Variants in ZC3H14 observed in about 807,000 individuals in gnomAD.
The protein encoded by ZC3H14 is zinc finger CCCH-type containing 14.
ZC3H14 carries 31 observed loss-of-function variants against 92.4 expected under a neutral mutation model. That is an observed-to-expected ratio of 0.34 (90% CI 0.25 to 0.45). The LOEUF (loss-of-function observed/expected upper bound fraction) is 0.45. ZC3H14 is among the 20% of genes least tolerant of loss of function. ZC3H14 has a pLI of 1.00. For missense variants in ZC3H14, 781 were observed against 897.3 expected, an observed-to-expected ratio of 0.87 and a Z score of 1.66; for synonymous variants, 321 against 300.9, an observed-to-expected ratio of 1.07 and a Z score of -0.69.
chr14:88,618,642 T>C lies in ZC3H14; in HGVS notation c.*6891T>C, dbSNP rs2088207323. 1 of 1,611,566 alleles carries C rather than the reference T, an allele frequency of 6.2e-7. No individual in the cohort carries two copies. The highest frequency in any genetic ancestry group is 8.5e-7 in the Non-Finnish European group (1 of 1,179,036). Reference sequence around the variant, plus strand: ...TTGCCACCTGGGTATACAGTATTGGTACTGTACCTGGAGATAACTGCTATC... The same window carrying C: ...TTGCCACCTGGGTATACAGTATTGGCACTGTACCTGGAGATAACTGCTATC... On this transcript the variant is annotated 3_prime_UTR_variant, in exon 17 of 17. Transcript: ENST00000251038.
At chr14:88,604,595 CTTTG>C (rs1566972289) in intron 12 of ZC3H14, among the ~76,000 whole-genome samples, 1 of 122,084 alleles carries the variant, frequency 8.2e-6, no homozygotes, top group African/African-American at 2.7e-5. Context: ...AGCTTGCTTT[CTTTG>C]TTTTTTTTTT....
At chr14:88,591,744 A>G (rs1237704171) in intron 9 of ZC3H14, 2 of 152,204 alleles carry the variant, frequency 1.3e-5, no homozygotes, top group Non-Finnish European at 2.9e-5. Flanking sequence ...CTTTGTATAT[A>G]AAGTGGAATT....
At chr14:88,605,827 C>CTA (rs752473936) in intron 12 of ZC3H14, among the ~76,000 whole-genome samples, 8 of 152,324 alleles carry the variant, frequency 5.3e-5, no homozygotes, top group Non-Finnish European at 1.0e-4. Flanking sequence ...GCTGCTGCTG[C>CTA]TATTACGACT....
Position 88,626,932 on chromosome 14 carries a change from G to A in ZC3H14, c.*15181G>A, listed in dbSNP as rs1310691558. 1.2e-6 allele frequency: 2 copies of A among 1,613,812 alleles called. No individual in the cohort carries two copies. Among genetic ancestry groups the A allele is most frequent in the African/African-American group, 1.3e-5 (1 of 74,906 alleles). ...GCTAAGAAGAGCTCTTCCTGCCAGGGTCCAGAACTTCACATGTTTTACTCC... is the reference window on the plus strand; with the variant it reads ...GCTAAGAAGAGCTCTTCCTGCCAGGATCCAGAACTTCACATGTTTTACTCC... On this transcript the variant is annotated 3_prime_UTR_variant, in exon 17 of 17. Coordinates refer to ENST00000251038, the MANE Select transcript of ZC3H14 (RefSeq NM_024824.5).
In ZC3H14 at chr14:88,622,687, C is replaced by T. The variant is rs755300657; in HGVS notation, c.*10936C>T. 3 of 1,609,616 alleles carry T rather than the reference C, an allele frequency of 1.9e-6. No individual in the cohort carries two copies. The South Asian group carries it at 3.3e-5, about 18-fold the overall frequency. ...GCACGGCACCGCCTCAGTTCCTGAT[C>T]CCACAGTTTAACCGCTCCTCCTTCT... is the stretch of plus-strand genomic sequence containing the variant. On this transcript the variant is annotated 3_prime_UTR_variant, in exon 17 of 17. Coordinates refer to ENST00000251038, the MANE Select transcript of ZC3H14 (RefSeq NM_024824.5).
chr14:88,570,926 G>T (rs950320403), intron 3 of ZC3H14, among the ~76,000 whole-genome samples, 158 bp from the exon 4 acceptor site: 1 of 151,888 alleles, frequency 6.6e-6, no homozygotes. Flanking sequence ...GACCAGCCTG[G>T]ACAACACAGT....
Position 88,615,247 on chromosome 14 carries a change from G to A in ZC3H14, c.*3496G>A, listed in dbSNP as rs1211482467. 6.6e-6 allele frequency: 1 copy of A among 152,138 alleles called. No individual in the cohort carries two copies. The highest frequency in any genetic ancestry group is 1.5e-5 in the Non-Finnish European group (1 of 68,026). 9.4% of individuals were successfully genotyped at this position (152,138 alleles called of 1,614,324 possible). On this transcript the variant is annotated 3_prime_UTR_variant, in exon 17 of 17. Coordinates refer to ENST00000251038, the MANE Select transcript of ZC3H14 (RefSeq NM_024824.5). ...GAGAAAAGTGTCCTTTATAAAAAAG[G>A]ACCTTATTAATGCCTAAAAAACATC...
chr14:88,603,089 G>A, intron 12 of ZC3H14, 29 bp downstream of exon 12: 1 of 1,602,576 alleles, frequency 6.2e-7, no homozygotes, highest in South Asian at 1.1e-5. Flanking sequence ...TTTTCAGGGT[G>A]CTGTCATTGT....
In ZC3H14 at chr14:88,612,058, ACAT is replaced by A. The variant is rs2086868828; in HGVS notation, c.*311_*313del. ...TTGTGAGGATCAGCATATGAAATTG[ACAT>A]CATGGTTAGTCATGGTACTGCAGCT... is the stretch of plus-strand genomic sequence containing the variant. On this transcript the variant is annotated 3_prime_UTR_variant, in exon 17 of 17. Transcript: ENST00000251038. 11 of 410,300 alleles carry A rather than the reference ACAT, an allele frequency of 2.7e-5. No homozygotes were observed. In the South Asian group the frequency reaches 3.4e-4, roughly 13 times the overall value. 25.4% of individuals were successfully genotyped at this position (410,300 alleles called of 1,614,324 possible).
chr14:88,620,503 C>T lies in ZC3H14; in HGVS notation c.*8752C>T. On this transcript the variant is annotated 3_prime_UTR_variant, in exon 17 of 17. Coordinates refer to ENST00000251038, the MANE Select transcript of ZC3H14 (RefSeq NM_024824.5). The surrounding 1 kb of genome is among the most constrained non-coding windows in gnomAD (Gnocchi z 4.3). ...GGTGGGATGAACTTAATGGACATGG[C>T]TAAGTGTTAACATGAATTCATCAAA... 1 of 328,618 alleles carries T rather than the reference C, an allele frequency of 3.0e-6. No homozygotes were observed. The highest frequency in any genetic ancestry group is 5.5e-6 in the Non-Finnish European group (1 of 183,290). 20.4% of individuals were successfully genotyped at this position (328,618 alleles called of 1,614,324 possible).
chr14:88,572,277 A>G (rs2080523447), intron 5 of ZC3H14, 52 bp downstream of exon 5: 12 of 1,582,662 alleles, frequency 7.6e-6, no homozygotes, highest in Non-Finnish European at 1.0e-5. Context: ...TGTATGTGAC[A>G]TTTATATTAG....
chr14:88,618,317 G>T lies in ZC3H14; in HGVS notation c.*6566G>T. On this transcript the variant is annotated 3_prime_UTR_variant, in exon 17 of 17. Transcript: ENST00000251038. Reference sequence around the variant, plus strand: ...GCACTTCATAGACATGCCGTTTATAGCAGCCACTAGAGACCTTTTTCATCA... The same window carrying T: ...GCACTTCATAGACATGCCGTTTATATCAGCCACTAGAGACCTTTTTCATCA... 6.2e-7 allele frequency: 1 copy of T among 1,613,094 alleles called. No individual in the cohort carries two copies.
intron 6 of ZC3H14, among the ~76,000 whole-genome samples, 156 bp downstream of exon 6, chr14:88,573,163 G>A (rs1362109342): frequency 2.0e-5 from 3 of 152,140 alleles, no homozygotes; most frequent in East Asian, 2.0e-4. Context: ...GGTGGATCAC[G>A]AGGTCAGGAG....
At chr14:88,580,429 T>TG (rs1314059542) in intron 9 of ZC3H14, among the ~76,000 whole-genome samples, 1 of 152,134 alleles carries the variant, frequency 6.6e-6, no homozygotes, top group African/African-American at 2.4e-5. Context: ...GGCCAGGAGT[T>TG]GAAGATCAGC....
intron 9 of ZC3H14, among the ~76,000 whole-genome samples, chr14:88,580,298 G>C (rs1015857460): frequency 6.6e-6 from 1 of 152,170 alleles, no homozygotes; most frequent in Non-Finnish European, 1.5e-5. Context: ...GAGTGAGACT[G>C]TGTCTCAAAA....
Position 88,603,048 on chromosome 14 carries a change from A to T in ZC3H14, c.1735A>T (p.Ser579Cys). The change falls in exon 12 of 17, where the codon AGC becomes TGC. Residue 579 changes from serine to cysteine, a missense_variant. This residue lies in a region of ZC3H14 where 221 missense variants were observed against 304.7 expected (regional missense o/e 0.73). Coordinates refer to ENST00000251038, the MANE Select transcript of ZC3H14 (RefSeq NM_024824.5). ...CAGGCAGCTTGAGGACCCAAATGGT[A>T]GCTTTTCTAACGGTGTGTTGAGAGC... ...LSRQLEDPNG[S>C]FSNAEMSELS... 2 of 1,614,170 alleles carry T rather than the reference A, an allele frequency of 1.2e-6. No individual in the cohort carries two copies. The highest frequency in any genetic ancestry group is 2.2e-5 in the South Asian group (2 of 91,084).
intron 12 of ZC3H14, 46 bp from the exon 13 acceptor site, chr14:88,607,197 A>G (rs2085547923): frequency 1.2e-6 from 2 of 1,613,634 alleles, no homozygotes; most frequent in Non-Finnish European, 1.7e-6. Flanking sequence ...TGTGTACTGA[A>G]TTGATCATAA....
chr14:88,577,085 G>A (rs559439634), intron 8 of ZC3H14, among the ~76,000 whole-genome samples: 3 of 152,018 alleles, frequency 2.0e-5, no homozygotes, highest in Non-Finnish European at 2.9e-5. Context: ...GTGAGCCACC[G>A]CGCCTGGCAC....
chr14:88,615,997 T>C lies in ZC3H14; in HGVS notation c.*4246T>C, dbSNP rs145229922. Reference sequence around the variant, plus strand: ...CTTTTATTCTGTATTTGCATAAATATGAGATTCTGAAGAGCCATCTGGTTA... The same window carrying C: ...CTTTTATTCTGTATTTGCATAAATACGAGATTCTGAAGAGCCATCTGGTTA... On this transcript the variant is annotated 3_prime_UTR_variant, in exon 17 of 17. Coordinates refer to ENST00000251038, the MANE Select transcript of ZC3H14 (RefSeq NM_024824.5). The C allele has an allele frequency of 4.6e-5, 58 of 1,267,182 alleles. No individual in the cohort carries two copies. The highest frequency in any genetic ancestry group is 6.3e-5 in the Non-Finnish European group (57 of 900,192). The allele number at this position is 1,267,182 out of a possible 1,614,324, so 78.5% of individuals were successfully genotyped here.
Sources: allele counts gnomAD v4.1 joint callset (sites outside exome capture counted in the v4.1 genomes callset), GRCh38; gene constraint gnomAD v4.1.1; regional missense constraint gnomAD v4.1.1; non-coding constraint Gnocchi (gnomAD v3.1); transcripts MANE v1.5; gene names NCBI Gene and HGNC (gene_info 2026-07-23, HGNC 2026-07-21).